ZHX3: variants seen among roughly 807,000 people sequenced by gnomAD.
ZHX3 encodes the protein zinc fingers and homeoboxes 3.
ZHX3 carries 20 observed loss-of-function variants against 64.5 expected under a neutral mutation model. The ratio of observed to expected loss-of-function variants is 0.31; its 90% CI spans 0.22 to 0.45. The LOEUF (loss-of-function observed/expected upper bound fraction) is 0.45, where lower values mean the gene tolerates loss of function less well. ZHX3 is among the 20% of genes least tolerant of loss of function. The probability of loss-of-function intolerance (pLI) is 1.00; values close to 1 mark genes in which losing one functional copy is unlikely to be tolerated. For synonymous variants in ZHX3, 423 were observed against 461.6 expected, an observed-to-expected ratio of 0.92 and a Z score of 1.07; for missense variants, 1,041 against 1,195.8, an observed-to-expected ratio of 0.87 and a Z score of 1.91.
At chr20:41,199,635 A>G (rs1347877277) in intron 3 of ZHX3, among the ~76,000 whole-genome samples, 1 of 151,962 alleles carries the variant, frequency 6.6e-6, no homozygotes, top group Non-Finnish European at 1.5e-5. Context: ...AAGGGCATTG[A>G]GACAATGATC....
chr20:41,243,580 A>G (rs2041515330), intron 2 of ZHX3, among the ~76,000 whole-genome samples: 1 of 152,206 alleles, frequency 6.6e-6, no homozygotes, highest in African/African-American at 2.4e-5. Flanking sequence ...GGACAATTAT[A>G]GTTGGATACC....
chr20:41,235,824 T>C (rs1359218175), intron 2 of ZHX3, among the ~76,000 whole-genome samples: 4 of 152,154 alleles, frequency 2.6e-5, no homozygotes, highest in Admixed American at 2.6e-4. Context: ...AAAGAGGAAG[T>C]CAAATTGTCC....
chr20:41,259,675 AAAAG>A, intron 2 of ZHX3, among the ~76,000 whole-genome samples: 1 of 152,292 alleles, frequency 6.6e-6, no homozygotes, highest in Admixed American at 6.5e-5. Context: ...AAAGAAGAGA[AAAAG>A]AAAAGAATTA....
intron 1 of ZHX3, among the ~76,000 whole-genome samples, chr20:41,287,126 C>T (rs565063369): frequency 6.6e-6 from 1 of 152,248 alleles, no homozygotes; most frequent in Non-Finnish European, 1.5e-5. Context: ...TGACTTGAGG[C>T]CTTTGACTTA....
At chr20:41,194,451 G>A (rs2037314665) in intron 3 of ZHX3, among the ~76,000 whole-genome samples, 1 of 152,144 alleles carries the variant, frequency 6.6e-6, no homozygotes, top group Non-Finnish European at 1.5e-5. Flanking sequence ...AATCCTTTTA[G>A]TATGCTGCTG....
intron 2 of ZHX3, among the ~76,000 whole-genome samples, chr20:41,208,246 T>C (rs975692081): frequency 8.5e-5 from 13 of 152,116 alleles, no homozygotes; most frequent in African/African-American, 3.1e-4. Context: ...GATCCACAGC[T>C]GAATCTACCA....
rs926705710 is a variant in ZHX3, at chr20:41,195,112, G to A, written c.2860+6945C>T. ...AAGTGTACATTTAGTTTACTGATTT[G>A]AGATCTTAAAAAAAGTTTTTTTAAG... is the stretch of plus-strand genomic sequence containing the variant. On this transcript the variant is annotated intron_variant, in intron 3 of 3. Transcript: ENST00000683867. The surrounding 1 kb of genome is among the most constrained non-coding windows in gnomAD (Gnocchi z 4.2). Among the ~76,000 whole-genome samples the A allele has an allele frequency of 6.6e-6, 1 of 151,922 alleles. No individual in the cohort carries two copies. The highest frequency in any genetic ancestry group is 2.4e-5 in the African/African-American group (1 of 41,338).
chr20:41,218,305 T>C (rs1399043756), intron 2 of ZHX3, among the ~76,000 whole-genome samples: 1 of 152,106 alleles, frequency 6.6e-6, no homozygotes, highest in African/African-American at 2.4e-5. Context: ...ATAGCTGGCA[T>C]GGTGACACGC....
chr20:41,189,673 C>G lies in ZHX3; in HGVS notation c.2861-4472G>C, dbSNP rs144088128. ...GTGTATAGAAACTCTGATTTTTGTA[C>G]GTTAACTTTATATCCTGCCACTGTG... On this transcript the variant is annotated intron_variant, in intron 3 of 3. Coordinates refer to ENST00000683867, the MANE Select transcript of ZHX3 (RefSeq NM_001384317.1). Among the ~76,000 whole-genome samples, 616 of 152,162 alleles carry G rather than the reference C, an allele frequency of 4.0e-3. 8 individuals are homozygous for G. The highest frequency in any genetic ancestry group is 0.023 in the East Asian group (117 of 5,188).
At chr20:41,310,878 G>A (rs575469350) in intron 1 of ZHX3, among the ~76,000 whole-genome samples, 15 of 138,066 alleles carry the variant, frequency 1.1e-4, no homozygotes, top group Middle Eastern at 3.9e-3. Flanking sequence ...GCGTGATCTC[G>A]GCTCACTGCA....
intron 2 of ZHX3, among the ~76,000 whole-genome samples, chr20:41,233,859 C>T (rs1218056924): frequency 6.6e-6 from 1 of 152,226 alleles, no homozygotes; most frequent in Non-Finnish European, 1.5e-5. Context: ...AGTCCCAAGA[C>T]ATGTCACCTT....
chr20:41,310,803 T>A (rs1162415437), intron 1 of ZHX3, among the ~76,000 whole-genome samples: 5 of 23,038 alleles, frequency 2.2e-4, no homozygotes, highest in African/African-American at 6.8e-4. Flanking sequence ...TAATTCTGAT[T>A]TTTTTTTTTT....
intron 1 of ZHX3, among the ~76,000 whole-genome samples, chr20:41,296,232 TAAAAAAAAAAAAAAAAAAAAAAA>T (rs57987896): frequency 9.0e-4 from 66 of 72,974 alleles, no homozygotes; most frequent in Admixed American, 9.1e-4. Context: ...GTTCATAAAG[TAAAAAAAAAAAAAAAAAAAAAAA>T]AAAAAAAAAA....
intron 3 of ZHX3, among the ~76,000 whole-genome samples, chr20:41,186,872 T>A (rs6129765): frequency 0.21 from 31,390 of 152,166 alleles, 3,327 homozygotes; most frequent in South Asian, 0.28. Context: ...TGAATATAAA[T>A]CTCTTATCAG....
chr20:41,231,392 C>A (rs2040596032), intron 2 of ZHX3, among the ~76,000 whole-genome samples: 1 of 152,170 alleles, frequency 6.6e-6, no homozygotes, highest in African/African-American at 2.4e-5. Context: ...ACACACCAGC[C>A]TCCTTGCCTT....
chr20:41,264,934 C>A (rs2042762633), intron 2 of ZHX3, among the ~76,000 whole-genome samples: 1 of 151,686 alleles, frequency 6.6e-6, no homozygotes, highest in Admixed American at 6.6e-5. Context: ...ATTTTCTTAC[C>A]CTGATTGAGT....
intron 2 of ZHX3, among the ~76,000 whole-genome samples, chr20:41,256,269 C>T (rs765292584): frequency 3.6e-4 from 55 of 152,108 alleles, no homozygotes; most frequent in Non-Finnish European, 6.8e-4. Context: ...GTCTTGCTTA[C>T]TGCTATGTTT....
At position 41,201,383 on chromosome 20, in the gene ZHX3, A is replaced by G; in HGVS notation, c.2860+674T>C. The G allele has an allele frequency of 7.7e-7, 1 of 1,304,450 alleles. No homozygotes were observed. The highest frequency in any genetic ancestry group is 1.0e-6 in the Non-Finnish European group (1 of 988,828). 80.8% of individuals were successfully genotyped at this position (1,304,450 alleles called of 1,614,324 possible). ...GAGGCTGGGAACTCAGTGACCAGGA[A>G]CCTAGAAAATCAACACGTAATAACA... On this transcript the variant is annotated intron_variant, in intron 3 of 3. Transcript: ENST00000683867. The surrounding 1 kb of genome is among the most constrained non-coding windows in gnomAD (Gnocchi z 5.0).
rs1253993321 is a variant in ZHX3 at position 41,181,739 on chromosome 20, TAG to T, written c.*3450_*3451del. 4 of 152,206 alleles carry T rather than the reference TAG, an allele frequency of 2.6e-5. No individual in the cohort carries two copies. The highest frequency in any genetic ancestry group is 7.2e-5 in the African/African-American group (3 of 41,446). The allele number at this position is 152,206 out of a possible 1,614,324, so 9.4% of individuals were successfully genotyped here. ...CAAGGGCACATCTCAGGCTACGGAA[TAG>T]AGAGATTTCCTGGTGGGACGGCCTC... On this transcript the variant is annotated 3_prime_UTR_variant, in exon 4 of 4. Coordinates refer to ENST00000683867, the MANE Select transcript of ZHX3 (RefSeq NM_001384317.1).
Sources: allele counts gnomAD v4.1 joint callset (sites outside exome capture counted in the v4.1 genomes callset), GRCh38; gene constraint gnomAD v4.1.1; non-coding constraint Gnocchi (gnomAD v3.1); transcripts MANE v1.5; gene names NCBI Gene and HGNC (gene_info 2026-07-23, HGNC 2026-07-21).